ZNHIT3: variants seen among roughly 807,000 people sequenced by gnomAD.
The protein encoded by ZNHIT3 is zinc finger HIT domain-containing protein 3.
A neutral mutation model predicts 19.9 loss-of-function variants in ZNHIT3; 27 were observed. That is an observed-to-expected ratio of 1.36 (90% CI 1.00 to 1.87). The LOEUF (loss-of-function observed/expected upper bound fraction) is 1.87, where lower values mean the gene tolerates loss of function less well. ZNHIT3 is among the 40% of genes most tolerant of loss of function. The pLI is 0.00. For missense variants in ZNHIT3, 215 were observed against 185.6 expected (o/e 1.16, Z -0.92); for synonymous variants, 81 against 65.7 (o/e 1.23, Z -1.13).
downstream of ZNHIT3, chr17:36,498,400 T>C: frequency 6.2e-7 from 1 of 1,614,020 alleles, no homozygotes; most frequent in Non-Finnish European, 8.5e-7. Flanking sequence ...CCTACACCCA[T>C]AGCCGTATTG....
chr17:36,496,369 C>G (rs374818551), downstream of ZNHIT3: 1 of 1,613,896 alleles, frequency 6.2e-7, no homozygotes, highest in South Asian at 1.1e-5. Flanking sequence ...GTCAGCATAC[C>G]GCAGTGGAGA....
chr17:36,493,078 C>A, intron 3 of ZNHIT3, 179 bp downstream of exon 3: 1 of 635,532 alleles, frequency 1.6e-6, no homozygotes, highest in South Asian at 1.9e-5. Flanking sequence ...ATTGAGGCAA[C>A]AGCCTGAAAG....
chr17:36,489,003 A>G (rs1210202543), intron 2 of ZNHIT3, among the ~76,000 whole-genome samples: 4 of 152,206 alleles, frequency 2.6e-5, no homozygotes, highest in South Asian at 2.1e-4. Flanking sequence ...AGTTACCACT[A>G]TTCTGCTCTC....
rs780393657 is a variant in ZNHIT3, at chr17:36,486,812, G to A, written c.86+27G>A. ...TGAGCGGGGAGGTCGCGGGGTCCAGGGGCGCGGGTGTCCGGCCATGGCGGG... is the reference window on the plus strand; with the variant it reads ...TGAGCGGGGAGGTCGCGGGGTCCAGAGGCGCGGGTGTCCGGCCATGGCGGG... On this transcript the variant is annotated intron_variant, in intron 1 of 4. Transcript: ENST00000617429. The A allele has an allele frequency of 5.6e-6, 9 of 1,608,728 alleles. No homozygotes were observed. In the Admixed American group the frequency reaches 1.3e-4, roughly 24 times the overall value.
downstream of ZNHIT3, chr17:36,499,238 C>T (rs1479232775): frequency 2.6e-5 from 26 of 998,268 alleles, no homozygotes; most frequent in Non-Finnish European, 3.9e-5. Flanking sequence ...TGCAGCAGCA[C>T]CACAGTTGCT....
chr17:36,493,628 T>C (rs1222531712), intron 3 of ZNHIT3, among the ~76,000 whole-genome samples: 1 of 152,228 alleles, frequency 6.6e-6, no homozygotes, highest in Non-Finnish European at 1.5e-5. Flanking sequence ...TATTAAGTTA[T>C]TAGACAACCG....
Position 36,493,989 on chromosome 17 carries a change from A to G in ZNHIT3, c.269A>G (p.Gln90Arg). The change falls in exon 4 of 5, where the codon CAG becomes CGG. Residue 90 changes from glutamine to arginine, a missense_variant. Coordinates refer to ENST00000617429, the MANE Select transcript of ZNHIT3 (RefSeq NM_004773.4). ...SDEEEDRVSL[Q>R]NLKNLGESAT... The stretch of plus-strand genomic sequence containing the variant: ...GAGGAAGAAGACAGAGTTTCTTTGC[A>G]GAATTTAAAGAATTTAGGTAAGTCT... 1.2e-6 allele frequency: 2 copies of G among 1,611,358 alleles called. No individual in the cohort carries two copies. The highest frequency in any genetic ancestry group is 1.7e-6 in the Non-Finnish European group (2 of 1,177,550).
intron 2 of ZNHIT3, chr17:36,492,025 T>A (rs1180436456): frequency 1.3e-5 from 2 of 152,294 alleles, no homozygotes; most frequent in Non-Finnish European, 2.9e-5. Flanking sequence ...CCTGGCACAG[T>A]GCTCGGCACT....
intron 2 of ZNHIT3, chr17:36,492,605 A>G: frequency 1.7e-6 from 1 of 587,262 alleles, no homozygotes; most frequent in Non-Finnish European, 3.0e-6. Flanking sequence ...CTTGGGGTGC[A>G]TGAATGAGTC....
downstream of ZNHIT3, chr17:36,498,151 T>G: frequency 8.5e-7 from 1 of 1,171,172 alleles, no homozygotes; most frequent in Non-Finnish European, 1.2e-6. Context: ...GTTTACCCAG[T>G]AGGGTTAGGG....
downstream of ZNHIT3, chr17:36,496,492 G>A: frequency 7.5e-7 from 1 of 1,330,692 alleles, no homozygotes. Flanking sequence ...CGCTAAAAAT[G>A]CAAGAAGGTA....
chr17:36,497,307 A>T (rs1338744002), downstream of ZNHIT3, among the ~76,000 whole-genome samples: 1 of 151,230 alleles, frequency 6.6e-6, no homozygotes, highest in East Asian at 1.9e-4. Flanking sequence ...CGTCTCAAAA[A>T]ATTAAATAAC....
chr17:36,496,345 G>A, downstream of ZNHIT3: 1 of 1,614,002 alleles, frequency 6.2e-7, no homozygotes, highest in Non-Finnish European at 8.5e-7. Context: ...GTAGGGTGAA[G>A]GTTCAGGGCA....
At chr17:36,487,149 C>A (rs141587569) in intron 2 of ZNHIT3, among the ~76,000 whole-genome samples, 183 bp downstream of exon 2, 10 of 152,262 alleles carry the variant, frequency 6.6e-5, no homozygotes, top group African/African-American at 2.4e-4. Context: ...TCGGACAGTT[C>A]CCTCTGTTGT....
downstream of ZNHIT3, chr17:36,498,627 A>C: frequency 6.8e-7 from 1 of 1,469,622 alleles, no homozygotes; most frequent in Non-Finnish European, 9.1e-7. Flanking sequence ...ATGGAAATCA[A>C]AACTATCTTT....
downstream of ZNHIT3, among the ~76,000 whole-genome samples, chr17:36,496,778 C>T (rs1052444701): frequency 3.9e-5 from 6 of 152,136 alleles, no homozygotes; most frequent in African/African-American, 1.4e-4. Flanking sequence ...TCACTTACTC[C>T]TTGCTGTGAC....
At chr17:36,495,911 T>C, downstream of ZNHIT3, 1 of 1,179,248 alleles carries the variant, frequency 8.5e-7, no homozygotes, top group Admixed American at 4.1e-5. Flanking sequence ...GCTGTTTTCT[T>C]CCAAAAGTGC....
chr17:36,492,652 C>T lies in ZNHIT3; in HGVS notation c.119-161C>T, dbSNP rs73276736. On this transcript the variant is annotated intron_variant, in intron 2 of 4. Transcript: ENST00000617429. ...GCCTGCTGGCGGTTTTCCTTAATCTCTCTCTTGCTTTGATCTCTCACTTCT... is the reference window on the plus strand; with the variant it reads ...GCCTGCTGGCGGTTTTCCTTAATCTTTCTCTTGCTTTGATCTCTCACTTCT... 1.5e-3 allele frequency: 959 copies of T among 656,716 alleles called. 12 individuals carry two copies. In the African/African-American group the frequency reaches 0.016, roughly 11 times the overall value. 40.7% of individuals were successfully genotyped at this position (656,716 alleles called of 1,614,324 possible).
chr17:36,487,920 A>G (rs2070619134), intron 2 of ZNHIT3, among the ~76,000 whole-genome samples: 1 of 151,876 alleles, frequency 6.6e-6, no homozygotes, highest in Non-Finnish European at 1.5e-5. Context: ...CCTGGGCAAC[A>G]TAGCGAAACC....
Sources: gnomAD v4.1 joint callset for allele counts (sites outside exome capture counted in the v4.1 genomes callset) on GRCh38, gnomAD v4.1.1 for gene constraint, MANE v1.5 for transcripts, NCBI Gene and HGNC (gene_info 2026-07-23, HGNC 2026-07-21) for gene names.